Variants in SQLE observed in about 807,000 individuals in gnomAD.
SQLE encodes squalene monooxygenase.
A neutral mutation model predicts 60.7 loss-of-function variants in SQLE; 29 were observed. The observed-to-expected ratio is 0.48, with a 90% confidence interval of 0.36 to 0.65. The LOEUF is 0.65. Ranked by LOEUF, SQLE falls within the 30% of genes least tolerant of loss-of-function variation. The pLI is 0.00. For missense variants in SQLE, 605 were observed against 684.1 expected, an observed-to-expected ratio of 0.88 and a Z score of 1.29; for synonymous variants, 237 against 246.8, an observed-to-expected ratio of 0.96 and a Z score of 0.37.
rs944479270 is a variant in SQLE, at chr8:124,998,635, C to A, written c.-769C>A. The A allele has an allele frequency of 1.5e-6, 1 of 679,788 alleles. No homozygotes were observed. Among genetic ancestry groups the A allele is most frequent in the African/African-American group, 1.8e-5 (1 of 55,128 alleles). The allele number at this position is 679,788 out of a possible 1,614,324, so 42.1% of individuals were successfully genotyped here. ...GGAAGCCGTCGGGAGCCGCCGCCGC[C>A]ATCTGAGGGAGGTACCCTGGAAACC... is the stretch of plus-strand genomic sequence containing the variant. On this transcript the variant is annotated 5_prime_UTR_variant, in exon 1 of 11. Transcript: ENST00000265896.
Position 124,998,906 on chromosome 8 carries a change from C to A in SQLE, c.-498C>A, listed in dbSNP as rs548801611. Reference sequence around the variant, plus strand: ...GCCCGCAGCCCCCGTGCCTTCCGGCCGCTGCTCGCCGTCGCCAGAGGCTAG... The same window carrying A: ...GCCCGCAGCCCCCGTGCCTTCCGGCAGCTGCTCGCCGTCGCCAGAGGCTAG... On this transcript the variant is annotated 5_prime_UTR_variant, in exon 1 of 11. Coordinates refer to ENST00000265896, the MANE Select transcript of SQLE (RefSeq NM_003129.4). 24 of 365,100 alleles carry A rather than the reference C, an allele frequency of 6.6e-5. No individual in the cohort carries two copies. The highest frequency in any genetic ancestry group is 4.2e-4 in the African/African-American group (20 of 47,818). 22.6% of individuals were successfully genotyped at this position (365,100 alleles called of 1,614,324 possible).
At chr8:125,017,619 CA>C (rs1486540770) in intron 7 of SQLE, among the ~76,000 whole-genome samples, 4 of 152,170 alleles carry the variant, frequency 2.6e-5, no homozygotes, top group African/African-American at 9.7e-5. Flanking sequence ...TCTCACTGGC[CA>C]AGCTGGTACC....
In SQLE at chr8:125,003,566, T is replaced by A; in HGVS notation, c.544+138T>A. ...TTCTATACTCATTTACCAACAAATT[T>A]GCATGAAAGTGAGAGCAAAGGATAA... On this transcript the variant is annotated intron_variant, in intron 2 of 10. Coordinates refer to ENST00000265896, the MANE Select transcript of SQLE (RefSeq NM_003129.4). 5.7e-6 allele frequency: 6 copies of A among 1,045,856 alleles called. No individual in the cohort carries two copies. The South Asian group carries it at 1.0e-4, about 18-fold the overall frequency. The allele number at this position is 1,045,856 out of a possible 1,614,324, so 64.8% of individuals were successfully genotyped here.
Position 125,008,415 on chromosome 8 carries a change from TATC to T in SQLE, c.823-555_823-553del, listed in dbSNP as rs1238514334. On this transcript the variant is annotated intron_variant, in intron 4 of 10. Coordinates refer to ENST00000265896, the MANE Select transcript of SQLE (RefSeq NM_003129.4). ...ATTTTTCCTTTTTTTAAAAAAAAATTATCGTAGTAAAAAACATGTAATTCTGGA... is the reference window on the plus strand; with the variant it reads ...ATTTTTCCTTTTTTTAAAAAAAAATTGTAGTAAAAAACATGTAATTCTGGA... 3.3e-5 allele frequency among the ~76,000 whole-genome samples: 5 copies of T among 151,962 alleles called. No individual in the cohort carries two copies. The East Asian group carries it at 9.6e-4, about 29-fold the overall frequency.
At position 125,022,195 on chromosome 8, in the gene SQLE, GTGCTAA is replaced by G; in HGVS notation, c.*255_*260del. On this transcript the variant is annotated 3_prime_UTR_variant, in exon 11 of 11. Coordinates refer to ENST00000265896, the MANE Select transcript of SQLE (RefSeq NM_003129.4). ...AAGAAATGATTGTTACCATAAATTA[GTGCTAA>G]TGCTGAGGAGAACTACAGTTTTTCT... is the stretch of plus-strand genomic sequence containing the variant. 1 of 265,064 alleles carries G rather than the reference GTGCTAA, an allele frequency of 3.8e-6. No individual in the cohort carries two copies. The highest frequency in any genetic ancestry group is 7.0e-6 in the Non-Finnish European group (1 of 141,934). The allele number at this position is 265,064 out of a possible 1,614,324, so 16.4% of individuals were successfully genotyped here.
rs1248767068 is a variant in SQLE, at chr8:124,998,624, G to A, written c.-780G>A. On this transcript the variant is annotated 5_prime_UTR_variant, in exon 1 of 11. Coordinates refer to ENST00000265896, the MANE Select transcript of SQLE (RefSeq NM_003129.4). ...GATGCTGGTGAGGAAGCCGTCGGGAGCCGCCGCCGCCATCTGAGGGAGGTA... is the reference window on the plus strand; with the variant it reads ...GATGCTGGTGAGGAAGCCGTCGGGAACCGCCGCCGCCATCTGAGGGAGGTA... 4.4e-6 allele frequency: 3 copies of A among 681,720 alleles called. No individual in the cohort carries two copies. The highest frequency in any genetic ancestry group is 2.9e-5 in the East Asian group (1 of 34,440). The allele number at this position is 681,720 out of a possible 1,614,324, so 42.2% of individuals were successfully genotyped here.
Position 125,021,797 on chromosome 8 carries a change from T to C in SQLE, c.1577T>C (p.Val526Ala). The C allele has an allele frequency of 6.2e-7, 1 of 1,609,260 alleles. No homozygotes were observed. Among genetic ancestry groups the C allele is most frequent in the Non-Finnish European group, 8.5e-7 (1 of 1,177,422 alleles). ...GTTTTAATTGGACACTTCTTTGCTG[T>C]TGCAATCTATGCCGTGTATTTTTGC... ...PLVLIGHFFA[V>A]AIYAVYFCFK... is the part of the protein sequence containing the mutation. Residue 526 changes from valine (V) to alanine (A), a missense_variant, in exon 11 of 11, where the codon GTT becomes GCT. Physicochemically the swap from Val to Ala is moderately conservative, Grantham distance 64. Transcript: ENST00000265896.
rs1270480239 is a variant in SQLE at position 125,021,913 on chromosome 8, A to T, written c.1693A>T (p.Ile565Phe). 6.2e-7 allele frequency: 1 copy of T among 1,606,018 alleles called. No homozygotes were observed. The highest frequency in any genetic ancestry group is 1.3e-5 in the African/African-American group (1 of 74,774). Residue 565 changes from isoleucine to phenylalanine, a missense_variant, in exon 11 of 11, where the codon ATT (isoleucine) becomes TTT (phenylalanine). Transcript: ENST00000265896. Reference sequence around the variant, plus strand: ...AGCGTGTTCTGTAATATTTCCTCTAATTTACTCAGAAATGAAGTATATGGT... The same window carrying T: ...AGCGTGTTCTGTAATATTTCCTCTATTTTACTCAGAAATGAAGTATATGGT... ...YKACSVIFPLIYSEMKYMVH is the reference protein window; with the variant it reads ...YKACSVIFPLFYSEMKYMVH
chr8:125,017,068 T>G (rs1165095079), intron 7 of SQLE, among the ~76,000 whole-genome samples: 1 of 152,066 alleles, frequency 6.6e-6, no homozygotes, highest in Non-Finnish European at 1.5e-5. Context: ...GAGTCAGACC[T>G]GAAGCCAGTA....
At chr8:125,010,398 A>T (rs552425035) in intron 6 of SQLE, among the ~76,000 whole-genome samples, 1 of 152,212 alleles carries the variant, frequency 6.6e-6, no homozygotes, top group Admixed American at 6.5e-5. Context: ...AAAGTAAAAA[A>T]AATTTAAGAA....
rs73704507 is a variant in SQLE at position 124,999,714 on chromosome 8, G to T, written c.291+20G>T. 8,983 of 1,550,016 alleles carry T rather than the reference G, an allele frequency of 5.8e-3. 421 individuals are homozygous for T. The African/African-American group carries it at 0.1, about 18-fold the overall frequency. ...AGGAGGGTAGGTTGATTTCAAAGCG[G>T]GCAGATGAATGTCTTATTTAGGAGT... is the stretch of plus-strand genomic sequence containing the variant. On this transcript the variant is annotated intron_variant, in intron 1 of 10. Transcript: ENST00000265896.
chr8:125,005,896 A>G (rs1814939316), intron 3 of SQLE, among the ~76,000 whole-genome samples, 191 bp downstream of exon 3: 1 of 152,172 alleles, frequency 6.6e-6, no homozygotes, highest in African/African-American at 2.4e-5. Context: ...TCATATAGAG[A>G]ATTTTCCTTT....
Position 125,018,675 on chromosome 8 carries a change from T to C in SQLE, c.1392T>C (p.Phe464=). Reference sequence around the variant, plus strand: ...GGGCAAGAAAAACATCTCATTCCTTTGTCGTGAATATCCTTGCTCAGGCTC... The same window carrying C: ...GGGCAAGAAAAACATCTCATTCCTTCGTCGTGAATATCCTTGCTCAGGCTC... The part of the protein sequence containing the change: ...FYWARKTSHS[F]VVNILAQALY... The change falls in exon 9 of 11, where the codon TTT becomes TTC. Residue 464 remains phenylalanine, a synonymous_variant. Transcript: ENST00000265896. The C allele has an allele frequency of 6.2e-7, 1 of 1,607,284 alleles. No individual in the cohort carries two copies. Among genetic ancestry groups the C allele is most frequent in the Non-Finnish European group, 8.5e-7 (1 of 1,178,280 alleles).
At position 125,021,971 on chromosome 8, in the gene SQLE, G is replaced by C. The variant is rs758973723; in HGVS notation, c.*26G>C. On this transcript the variant is annotated 3_prime_UTR_variant, in exon 11 of 11. Coordinates refer to ENST00000265896, the MANE Select transcript of SQLE (RefSeq NM_003129.4). ...GCTTAAAGGGGAACCATTTGTGAAT[G>C]AATATTTGGAACTTACCAAGTCCTA... 4 of 1,535,592 alleles carry C rather than the reference G, an allele frequency of 2.6e-6. No individual in the cohort carries two copies. In the East Asian group the frequency reaches 9.3e-5, roughly 36 times the overall value.
chr8:125,001,466 GTGTGTGTGTGTGTGTGTGTGTGTA>G lies in SQLE; in HGVS notation c.292-1708_292-1685del, dbSNP rs1327746844. On this transcript the variant is annotated intron_variant, in intron 1 of 10. Transcript: ENST00000265896. The stretch of plus-strand genomic sequence containing the variant: ...CCTTTCAGGGTGTGTGTGTGTGTGT[GTGTGTGTGTGTGTGTGTGTGTGTA>G]TATAAAACAGGAAAAACTTATGAAG... 1.9e-3 allele frequency among the ~76,000 whole-genome samples: 275 copies of G among 145,148 alleles called. 1 individual carries two copies. Among genetic ancestry groups the G allele is most frequent in the African/African-American group, 6.3e-3 (251 of 39,544 alleles).
intron 2 of SQLE, 37 bp downstream of exon 2, chr8:125,003,465 A>T (rs753508864): frequency 6.2e-7 from 1 of 1,606,796 alleles, no homozygotes; most frequent in South Asian, 1.1e-5. Context: ...GTTACGTGGT[A>T]TGAACAAGCA....
chr8:124,999,598 C>T lies in SQLE; in HGVS notation c.195C>T (p.Leu65=). 6.2e-7 allele frequency: 1 copy of T among 1,613,686 alleles called. No individual in the cohort carries two copies. ...AGCAGAGCGGCTCCCAGTTCGCCCT[C>T]TTCTCGGATATTCTCTCAGGCCTGC... The part of the protein sequence containing the change: ...GRQQSGSQFA[L]FSDILSGLPF... Residue 65 remains leucine (L), a synonymous_variant, in exon 1 of 11, where the codon CTC becomes CTT. Transcript: ENST00000265896.
intron 1 of SQLE, among the ~76,000 whole-genome samples, chr8:125,002,468 G>A (rs751424441): frequency 2.6e-5 from 4 of 152,042 alleles, no homozygotes; most frequent in Non-Finnish European, 5.9e-5. Flanking sequence ...ACCTGAGGTC[G>A]GGAGTTCAAG....
intron 6 of SQLE, 39 bp downstream of exon 6, chr8:125,009,382 CT>C: frequency 6.4e-7 from 1 of 1,553,682 alleles, no homozygotes; most frequent in Non-Finnish European, 8.7e-7. Context: ...AAGGCTGTGT[CT>C]AAAATAGGCC....
Sources: gnomAD v4.1 joint callset for allele counts (sites outside exome capture counted in the v4.1 genomes callset) on GRCh38, gnomAD v4.1.1 for gene constraint, MANE v1.5 for transcripts, NCBI Gene and HGNC (gene_info 2026-07-23, HGNC 2026-07-21) for gene names.